VPS54: variants seen among roughly 807,000 people sequenced by gnomAD.
VPS54 encodes VPS54 subunit of GARP complex.
A neutral mutation model predicts 121.5 loss-of-function variants in VPS54; 45 were observed. The observed-to-expected ratio is 0.37, with a 90% CI of 0.29 to 0.47. The LOEUF (loss-of-function observed/expected upper bound fraction) is 0.47, where lower values mean the gene tolerates loss of function less well. Among genes scored for constraint, VPS54 ranks in the 20% least tolerant of loss-of-function variants. The pLI is 0.99. For synonymous variants in VPS54, 371 were observed against 385.8 expected (o/e 0.96, Z 0.45); for missense variants, 1,090 against 1,131.4 (o/e 0.96, Z 0.52).
chr2:63,959,533 A>C (rs1212978471), intron 7 of VPS54, among the ~76,000 whole-genome samples: 1 of 152,226 alleles, frequency 6.6e-6, no homozygotes, highest in East Asian at 1.9e-4. Context: ...CTAAAAAAAA[A>C]TAGAAAGATA....
chr2:63,963,803 G>C (rs1675871611), intron 6 of VPS54, among the ~76,000 whole-genome samples: 1 of 152,104 alleles, frequency 6.6e-6, no homozygotes, highest in Non-Finnish European at 1.5e-5. Context: ...TCAATTCCCA[G>C]AATAGTAAAT....
At chr2:63,982,038 T>C (rs765921482) in intron 2 of VPS54, 151 bp from the exon 3 acceptor site, 17 of 844,282 alleles carry the variant, frequency 2.0e-5, no homozygotes, top group Admixed American at 3.5e-5. Context: ...ATCAATCTGA[T>C]TGAATAACCT....
intron 1 of VPS54, among the ~76,000 whole-genome samples, chr2:63,986,244 T>TAAC (rs757683296): frequency 5.1e-4 from 78 of 152,300 alleles, no homozygotes; most frequent in Non-Finnish European, 9.7e-4. Context: ...CTGTACCTAT[T>TAAC]AACCACCACT....
chr2:63,919,147 G>T (rs1373505832), intron 15 of VPS54, among the ~76,000 whole-genome samples: 1 of 151,980 alleles, frequency 6.6e-6, no homozygotes, highest in African/African-American at 2.4e-5. Flanking sequence ...ATTATCACAT[G>T]ATGACTCCAC....
At chr2:64,004,523 T>C (rs193284219) in intron 1 of VPS54, among the ~76,000 whole-genome samples, 44 of 152,302 alleles carry the variant, frequency 2.9e-4, no homozygotes, top group Middle Eastern at 3.4e-3. Flanking sequence ...TATTATGTAA[T>C]TCATGAAATG....
intron 8 of VPS54, 126 bp downstream of exon 8, chr2:63,948,911 A>AC (rs1248469711): frequency 2.7e-6 from 3 of 1,106,388 alleles, no homozygotes; most frequent in Non-Finnish European, 3.8e-6. Context: ...CTAGTGAAGG[A>AC]CTTCATAGGT....
chr2:64,009,235 G>A (rs983027544), intron 1 of VPS54, among the ~76,000 whole-genome samples: 2 of 151,910 alleles, frequency 1.3e-5, no homozygotes, highest in African/African-American at 4.8e-5. Flanking sequence ...ATCTTCTATT[G>A]AATGATAGAA....
intron 1 of VPS54, among the ~76,000 whole-genome samples, chr2:63,996,680 C>T (rs889560634): frequency 2.0e-5 from 3 of 152,166 alleles, no homozygotes; most frequent in Non-Finnish European, 4.4e-5. Flanking sequence ...GAATGCATTC[C>T]CGGCCGGGGA....
intron 11 of VPS54, among the ~76,000 whole-genome samples, chr2:63,941,125 A>C (rs919605798): frequency 6.6e-6 from 1 of 152,234 alleles, no homozygotes; most frequent in Non-Finnish European, 1.5e-5. Context: ...CATAAAACAC[A>C]ATGTTAACAC....
intron 11 of VPS54, among the ~76,000 whole-genome samples, chr2:63,936,375 T>C (rs1363776607): frequency 1.3e-5 from 2 of 152,182 alleles, no homozygotes; most frequent in Non-Finnish European, 2.9e-5. Context: ...CAACAGTAGA[T>C]ACATGGTTTA....
intron 12 of VPS54, among the ~76,000 whole-genome samples, chr2:63,932,875 G>A (rs1054620844): frequency 2.6e-5 from 4 of 152,040 alleles, no homozygotes; most frequent in Non-Finnish European, 4.4e-5. Context: ...ATAATTTATT[G>A]TATCAATGTT....
intron 20 of VPS54, among the ~76,000 whole-genome samples, chr2:63,909,269 T>G (rs1488189137): frequency 6.6e-6 from 1 of 152,200 alleles, no homozygotes; most frequent in Non-Finnish European, 1.5e-5. Flanking sequence ...GTATCCCTGA[T>G]ACTGAACAAA....
At chr2:64,012,520 A>G (rs542413085) in intron 1 of VPS54, among the ~76,000 whole-genome samples, 1 of 150,196 alleles carries the variant, frequency 6.7e-6, no homozygotes, top group Non-Finnish European at 1.5e-5. Flanking sequence ...AATGTACCTA[A>G]TTCTCATCTA....
At chr2:63,982,682 G>A (rs1029184565) in intron 2 of VPS54, among the ~76,000 whole-genome samples, 1 of 152,168 alleles carries the variant, frequency 6.6e-6, no homozygotes, top group Non-Finnish European at 1.5e-5. Flanking sequence ...GGACATCATA[G>A]CCTTCTTGCA....
intron 12 of VPS54, among the ~76,000 whole-genome samples, chr2:63,932,715 T>C (rs1674271212): frequency 1.3e-5 from 2 of 151,490 alleles, no homozygotes; most frequent in Non-Finnish European, 1.5e-5. Flanking sequence ...ATAAAGATAA[T>C]AAAAATATTG....
chr2:63,984,517 A>G (rs1676950790), intron 1 of VPS54, among the ~76,000 whole-genome samples: 1 of 152,228 alleles, frequency 6.6e-6, no homozygotes, highest in Non-Finnish European at 1.5e-5. Context: ...GAATGGACAT[A>G]ATAAGTAAAG....
At chr2:63,906,601 A>G (rs977863282) in intron 20 of VPS54, among the ~76,000 whole-genome samples, 1 of 152,212 alleles carries the variant, frequency 6.6e-6, no homozygotes, top group Non-Finnish European at 1.5e-5. Context: ...AGTATTTGTT[A>G]ATTTCCATGG....
intron 15 of VPS54, among the ~76,000 whole-genome samples, chr2:63,918,842 G>T (rs1460770886): frequency 6.6e-6 from 1 of 151,830 alleles, no homozygotes; most frequent in Non-Finnish European, 1.5e-5. Flanking sequence ...GGCTATACTT[G>T]TCTACCCTTC....
rs529274654 is a variant in VPS54 at position 64,002,295 on chromosome 2, A to C, written c.-21+16643T>G. Among the ~76,000 whole-genome samples, 4 of 152,320 alleles carry C rather than the reference A, an allele frequency of 2.6e-5. No homozygotes were observed. In the Middle Eastern group the frequency reaches 0.014, roughly 518 times the overall value. On this transcript the variant is annotated intron_variant, in intron 1 of 22. Transcript: ENST00000272322. ...CTTCTTTGGGCAATATGAAGTTAAA[A>C]TCAGGTTCTGTGAGTGCTCACCTGA...
Sources: gnomAD v4.1 joint callset for allele counts (sites outside exome capture counted in the v4.1 genomes callset) on GRCh38, gnomAD v4.1.1 for gene constraint, MANE v1.5 for transcripts, NCBI Gene and HGNC (gene_info 2026-07-23, HGNC 2026-07-21) for gene names.